Variants in COL8A1 observed in about 807,000 individuals in gnomAD.
COL8A1 encodes collagen alpha-1(VIII) chain.
COL8A1 carries 21 observed loss-of-function variants against 42.7 expected under a neutral mutation model. The observed-to-expected ratio is 0.49, with a 90% confidence interval of 0.35 to 0.71. The LOEUF (loss-of-function observed/expected upper bound fraction) is 0.71. Among genes scored for constraint, COL8A1 ranks in the 30% least tolerant of loss-of-function variants. The pLI is 0.01. For missense variants in COL8A1, 788 were observed against 962.4 expected (o/e 0.82, Z 2.40); for synonymous variants, 367 against 369.1 (o/e 0.99, Z 0.06).
At chr3:99,663,210 G>A (rs900304907) in intron 1 of COL8A1, among the ~76,000 whole-genome samples, 3 of 152,052 alleles carry the variant, frequency 2.0e-5, no homozygotes, top group Non-Finnish European at 2.9e-5. Flanking sequence ...TTGTTGCCCA[G>A]GCTAAAGTGC....
intron 2 of COL8A1, among the ~76,000 whole-genome samples, chr3:99,754,122 A>G (rs543075959): frequency 3.3e-5 from 5 of 152,204 alleles, no homozygotes; most frequent in Non-Finnish European, 7.3e-5. Flanking sequence ...AAATGAAATC[A>G]GCTTATATCC....
At chr3:99,641,701 G>A (rs192977438) in intron 1 of COL8A1, among the ~76,000 whole-genome samples, 68 of 152,252 alleles carry the variant, frequency 4.5e-4, no homozygotes, top group African/African-American at 1.5e-3. Context: ...GAGACACACC[G>A]TATTTCCTAA....
intron 1 of COL8A1, among the ~76,000 whole-genome samples, chr3:99,640,140 A>G (rs1407025867): frequency 6.6e-6 from 1 of 152,186 alleles, no homozygotes. Context: ...AGCTTCTGTC[A>G]CGTTAAATTT....
chr3:99,786,795 T>C (rs1941905192), intron 2 of COL8A1, among the ~76,000 whole-genome samples: 1 of 152,200 alleles, frequency 6.6e-6, no homozygotes, highest in Non-Finnish European at 1.5e-5. Flanking sequence ...GTATATCTAA[T>C]GAATGAATTG....
intron 1 of COL8A1, among the ~76,000 whole-genome samples, chr3:99,732,872 TG>T (rs1940561627): frequency 6.6e-6 from 1 of 152,174 alleles, no homozygotes; most frequent in African/African-American, 2.4e-5. Flanking sequence ...CAAGATACAA[TG>T]GGGGTACAGG....
chr3:99,744,546 C>T (rs925407351), intron 1 of COL8A1, among the ~76,000 whole-genome samples: 3 of 151,970 alleles, frequency 2.0e-5, no homozygotes, highest in Non-Finnish European at 4.4e-5. Context: ...AAAAGTTGAC[C>T]CTTCTTAAGT....
chr3:99,759,106 C>CTT lies in COL8A1; in HGVS notation c.-4+14098_-4+14099dup, dbSNP rs372727265. Among the ~76,000 whole-genome samples, 768 of 139,542 alleles carry CTT rather than the reference C, an allele frequency of 5.5e-3. 7 individuals carry two copies. Among genetic ancestry groups the CTT allele is most frequent in the African/African-American group, 0.012 (446 of 37,578 alleles). 91.5% of individuals were successfully genotyped at this position (139,542 alleles called of 152,430 possible). On this transcript the variant is annotated intron_variant, in intron 2 of 3. Transcript: ENST00000652472. Reference sequence around the variant, plus strand: ...CCCAACCCATCACAAGAGCCTGTTCCTTTTTTTTTTTTTTAAGCAGTTACC... The same window carrying CTT: ...CCCAACCCATCACAAGAGCCTGTTCCTTTTTTTTTTTTTTTTAAGCAGTTACC...
At chr3:99,765,175 T>C (rs1414838387) in intron 2 of COL8A1, among the ~76,000 whole-genome samples, 1 of 152,126 alleles carries the variant, frequency 6.6e-6, no homozygotes, top group Non-Finnish European at 1.5e-5. Flanking sequence ...CACAGAGACA[T>C]GGTCTTGGCT....
chr3:99,669,857 G>A (rs796792957), intron 1 of COL8A1, among the ~76,000 whole-genome samples: 10 of 152,128 alleles, frequency 6.6e-5, no homozygotes, highest in African/African-American at 2.4e-4. Flanking sequence ...TGCTCTTTGA[G>A]GGGTGGGCTT....
chr3:99,706,320 C>T (rs546704001), intron 1 of COL8A1, among the ~76,000 whole-genome samples: 288 of 152,256 alleles, frequency 1.9e-3, no homozygotes, highest in African/African-American at 6.7e-3. Context: ...TTTTTAAAAG[C>T]AGAGGAAATT....
chr3:99,722,140 A>T (rs1940174123), intron 1 of COL8A1, among the ~76,000 whole-genome samples: 1 of 152,210 alleles, frequency 6.6e-6, no homozygotes, highest in East Asian at 1.9e-4. Context: ...GAAATAAAGG[A>T]ATTACCTGCT....
intron 1 of COL8A1, among the ~76,000 whole-genome samples, chr3:99,681,425 C>T (rs1235537298): frequency 5.9e-5 from 9 of 152,084 alleles, no homozygotes; most frequent in Non-Finnish European, 1.3e-4. Flanking sequence ...CACCAGTGGC[C>T]TTGTTCCATA....
intron 2 of COL8A1, among the ~76,000 whole-genome samples, chr3:99,758,097 T>C (rs974720925): frequency 2.0e-5 from 3 of 152,230 alleles, no homozygotes; most frequent in Middle Eastern, 6.8e-3. Context: ...AAATAAATCT[T>C]TCTCATCTCG....
intron 1 of COL8A1, among the ~76,000 whole-genome samples, chr3:99,661,990 G>T (rs1414388136): frequency 2.0e-5 from 3 of 152,128 alleles, no homozygotes; most frequent in African/African-American, 7.2e-5. Flanking sequence ...TTTTTAAATG[G>T]GCATAGAGTT....
chr3:99,793,357 C>A (rs893353360), intron 3 of COL8A1, among the ~76,000 whole-genome samples: 1 of 151,992 alleles, frequency 6.6e-6, no homozygotes. Flanking sequence ...ACATTGTATT[C>A]ATGAATCATA....
chr3:99,639,852 C>G (rs1048407469), intron 1 of COL8A1, among the ~76,000 whole-genome samples: 1 of 152,196 alleles, frequency 6.6e-6, no homozygotes, highest in Non-Finnish European at 1.5e-5. Context: ...AACCAAACCA[C>G]TCTTTTAGCC....
chr3:99,771,451 T>C (rs1941579411), intron 2 of COL8A1, among the ~76,000 whole-genome samples: 1 of 152,188 alleles, frequency 6.6e-6, no homozygotes, highest in Non-Finnish European at 1.5e-5. Context: ...TGAGGATATT[T>C]CAGTGACCTG....
At chr3:99,682,742 T>C (rs188742209) in intron 1 of COL8A1, among the ~76,000 whole-genome samples, 6 of 152,258 alleles carry the variant, frequency 3.9e-5, no homozygotes, top group Admixed American at 3.9e-4. Context: ...ATTTCCTCTC[T>C]TACCTATTGA....
chr3:99,738,768 G>A (rs1176541523), intron 1 of COL8A1, among the ~76,000 whole-genome samples: 1 of 152,200 alleles, frequency 6.6e-6, no homozygotes, highest in East Asian at 1.9e-4. Flanking sequence ...CGAGCTTCCT[G>A]GCTGCTTTGT....
Sources: allele counts gnomAD v4.1 joint callset (sites outside exome capture counted in the v4.1 genomes callset), GRCh38; gene constraint gnomAD v4.1.1; transcripts MANE v1.5; gene names NCBI Gene and HGNC (gene_info 2026-07-23, HGNC 2026-07-21).